Variants in OMA1 observed in about 807,000 individuals in gnomAD.
OMA1 encodes the protein metalloendopeptidase OMA1, mitochondrial.
In OMA1, 38 loss-of-function variants were observed where a neutral mutation model predicts 30.9. The observed-to-expected ratio is 1.23, with a 90% confidence interval of 0.95 to 1.61. The LOEUF is 1.61. OMA1 is among the 40% of genes most tolerant of loss of function. The pLI, the probability that OMA1 is intolerant of heterozygous loss-of-function variation, is 0.00. For synonymous variants in OMA1, 173 were observed against 121.9 expected, an observed-to-expected ratio of 1.42 and a Z score of -2.76; for missense variants, 461 against 349.2, an observed-to-expected ratio of 1.32 and a Z score of -2.55.
chr1:58,488,663 G>A (rs568334076), intron 8 of OMA1, among the ~76,000 whole-genome samples: 14 of 152,284 alleles, frequency 9.2e-5, no homozygotes, highest in African/African-American at 3.4e-4. Context: ...TGTTGGTCAG[G>A]CTGGTCTTGA....
At chr1:58,490,127 G>C (rs1557438243) in intron 8 of OMA1, among the ~76,000 whole-genome samples, 1 of 152,180 alleles carries the variant, frequency 6.6e-6, no homozygotes, top group Non-Finnish European at 1.5e-5. Flanking sequence ...GAATGCTTCA[G>C]ACGATCAAAC....
intron 7 of OMA1, among the ~76,000 whole-genome samples, chr1:58,511,178 T>C (rs556299551): frequency 6.6e-6 from 1 of 152,274 alleles, no homozygotes; most frequent in Non-Finnish European, 1.5e-5. Context: ...AAAGCAATCT[T>C]GAAAAAGAGT....
rs551133594 is a variant in OMA1, at chr1:58,539,214, T to C, written c.81A>G (p.Lys27=). 2 of 872,788 alleles carry C rather than the reference T, an allele frequency of 2.3e-6. No homozygotes were observed. The highest frequency in any genetic ancestry group is 1.3e-5 in the South Asian group (1 of 76,484). 54.1% of individuals were successfully genotyped at this position (872,788 alleles called of 1,614,324 possible). The change falls in exon 2 of 9, where the codon AAA becomes AAG. Residue 27 remains lysine, a synonymous_variant. Coordinates refer to ENST00000371226, the MANE Select transcript of OMA1 (RefSeq NM_145243.5). ...GTGAGGTGGATGCTAATGTGTTACA[T>C]TTTCTCCAGTTAGACAGTGAATTAA... ...FRFNSLSNWR[K]CNTLASTSRG...
At chr1:58,508,848 G>A (rs978997011) in intron 7 of OMA1, among the ~76,000 whole-genome samples, 3 of 152,142 alleles carry the variant, frequency 2.0e-5, no homozygotes, top group African/African-American at 7.2e-5. Flanking sequence ...GGCAGGGCTC[G>A]GGAAAGAGGT....
At chr1:58,514,245 T>C (rs991237358) in intron 7 of OMA1, among the ~76,000 whole-genome samples, 1 of 152,158 alleles carries the variant, frequency 6.6e-6, no homozygotes, top group African/African-American at 2.4e-5. Context: ...GAGAAAGAAT[T>C]TGCTACTATT....
Position 58,506,154 on chromosome 1 carries a change from T to C in OMA1, c.1271A>G (p.Asp424Gly). ...SVFWQQMEFVDSLHGQPKMPE... is the reference protein window; with the variant it reads ...SVFWQQMEFVGSLHGQPKMPE... ...CATCTTGGGTTGGCCATGCAGGCTA[T>C]CAACGAACTCCATTTGCTGCCAAAA... The change falls in exon 8 of 9, where the codon GAT becomes GGT. Residue 424 changes from aspartate (D) to glycine (G), a missense_variant. By Grantham distance (94) the Asp-to-Gly change is moderately conservative. Transcript: ENST00000371226. The C allele has an allele frequency of 1.1e-6, 1 of 872,420 alleles. No individual in the cohort carries two copies. The highest frequency in any genetic ancestry group is 2.0e-6 in the Non-Finnish European group (1 of 501,258). The allele number at this position is 872,420 out of a possible 1,614,324, so 54.0% of individuals were successfully genotyped here. A position where few individuals can be genotyped will look rare whatever the true frequency, so the allele number is the denominator to read the frequency against.
At chr1:58,541,131 T>C (rs1372809091) in intron 1 of OMA1, among the ~76,000 whole-genome samples, 1 of 34,720 alleles carries the variant, frequency 2.9e-5, no homozygotes, top group Non-Finnish European at 7.0e-5. Context: ...CCGTCTCTAC[T>C]AAAAATACAA....
chr1:58,497,930 G>A (rs1645832248), intron 8 of OMA1, among the ~76,000 whole-genome samples: 1 of 152,062 alleles, frequency 6.6e-6, no homozygotes, highest in African/African-American at 2.4e-5. Context: ...AGGTATACAG[G>A]AAGTATACAT....
chr1:58,491,233 C>G (rs903308075), intron 8 of OMA1, among the ~76,000 whole-genome samples: 10 of 152,082 alleles, frequency 6.6e-5, no homozygotes, highest in Non-Finnish European at 1.5e-4. Context: ...TTGTCACCAC[C>G]AGGCCTGCCC....
In OMA1 at chr1:58,522,726, T is replaced by G. The variant is rs531411735; in HGVS notation, c.1215+4535A>C. Among the ~76,000 whole-genome samples, 3 of 152,330 alleles carry G rather than the reference T, an allele frequency of 2.0e-5. No homozygotes were observed. The South Asian group carries it at 6.2e-4, about 32-fold the overall frequency. ...CAGTAACACAGTAAATTAACATGTT[T>G]TGTATGTTATATGTATTATATACTG... On this transcript the variant is annotated intron_variant, in intron 7 of 8. Coordinates refer to ENST00000371226, the MANE Select transcript of OMA1 (RefSeq NM_145243.5).
intron 5 of OMA1, among the ~76,000 whole-genome samples, chr1:58,533,189 G>A (rs550333873): frequency 6.6e-6 from 1 of 152,312 alleles, no homozygotes; most frequent in Admixed American, 6.5e-5. Context: ...GAACAGACAT[G>A]TATTCACAGG....
At chr1:58,515,804 T>C (rs1646149868) in intron 7 of OMA1, among the ~76,000 whole-genome samples, 1 of 152,214 alleles carries the variant, frequency 6.6e-6, no homozygotes, top group East Asian at 1.9e-4. Context: ...GATAAATCAC[T>C]TTACATCTTT....
intron 8 of OMA1, among the ~76,000 whole-genome samples, chr1:58,485,368 A>G (rs1362860662): frequency 6.6e-6 from 1 of 151,622 alleles, no homozygotes; most frequent in Non-Finnish European, 1.5e-5. Context: ...TTTCTTGAGT[A>G]AATTTTTTAC....
At chr1:58,490,839 G>A (rs1183966922) in intron 8 of OMA1, among the ~76,000 whole-genome samples, 10 of 110,454 alleles carry the variant, frequency 9.1e-5, no homozygotes, top group East Asian at 6.2e-4. Flanking sequence ...ACGGACTCTC[G>A]CTCTCGCCCA....
chr1:58,483,437 A>G (rs1162228848), intron 8 of OMA1, among the ~76,000 whole-genome samples: 1 of 152,226 alleles, frequency 6.6e-6, no homozygotes, highest in African/African-American at 2.4e-5. Flanking sequence ...GCTTGGGTCT[A>G]GGAGCACTTC....
chr1:58,522,319 A>G (rs1396229358), intron 7 of OMA1, among the ~76,000 whole-genome samples: 4 of 152,176 alleles, frequency 2.6e-5, no homozygotes, highest in Admixed American at 2.6e-4. Context: ...CTGGAACTTT[A>G]AAGTTGAAGA....
At chr1:58,515,112 T>C (rs1329107449) in intron 7 of OMA1, among the ~76,000 whole-genome samples, 1 of 152,236 alleles carries the variant, frequency 6.6e-6, no homozygotes, top group Admixed American at 6.5e-5. Context: ...TTTTCCAATA[T>C]TGCTGATGGC....
chr1:58,534,755 T>A (rs1646490612), intron 3 of OMA1, among the ~76,000 whole-genome samples: 1 of 151,928 alleles, frequency 6.6e-6, no homozygotes, highest in Non-Finnish European at 1.5e-5. Flanking sequence ...GGCAACATGG[T>A]GAAACCCCGT....
chr1:58,480,871 T>TC lies in OMA1; in HGVS notation c.*93_*94insG. 1.4e-6 allele frequency: 1 copy of TC among 695,534 alleles called. No homozygotes were observed. The highest frequency in any genetic ancestry group is 2.0e-5 in the South Asian group (1 of 49,116). The allele number at this position is 695,534 out of a possible 1,614,324, so 43.1% of individuals were successfully genotyped here. On this transcript the variant is annotated 3_prime_UTR_variant, in exon 9 of 9. Transcript: ENST00000371226. ...CATGATTTGACCCTGAATATCCTTT[T>TC]TTTTTTCACTTCAAACATCATTTTT...
Sources: gnomAD v4.1 joint callset for allele counts (sites outside exome capture counted in the v4.1 genomes callset) on GRCh38, gnomAD v4.1.1 for gene constraint, MANE v1.5 for transcripts, NCBI Gene and HGNC (gene_info 2026-07-23, HGNC 2026-07-21) for gene names.